ASAP2: variants seen among roughly 807,000 people sequenced by gnomAD.
The protein encoded by ASAP2 is ArfGAP with SH3 domain, ankyrin repeat and PH domain 2, also known as arf-GAP with SH3 domain, ANK repeat and PH domain-containing protein 2.
ASAP2 carries 45 observed loss-of-function variants against 131.4 expected under a neutral mutation model. The ratio of observed to expected loss-of-function variants is 0.34; its 90% CI spans 0.27 to 0.44. ASAP2 has a LOEUF of 0.44. ASAP2 is among the 20% of genes least tolerant of loss of function. ASAP2 has a pLI of 1.00. For synonymous variants in ASAP2, 510 were observed against 503.0 expected (o/e 1.01, Z -0.19); for missense variants, 1,011 against 1,297.0 (o/e 0.78, Z 3.39).
chr2:9,395,878 A>AT (rs941858767), intron 24 of ASAP2, among the ~76,000 whole-genome samples: 5 of 151,780 alleles, frequency 3.3e-5, no homozygotes, highest in African/African-American at 1.2e-4. Context: ...AAGTGCTGGG[A>AT]TTACAGGCTT....
At chr2:9,395,172 C>T (rs1676015737) in intron 24 of ASAP2, among the ~76,000 whole-genome samples, 1 of 152,268 alleles carries the variant, frequency 6.6e-6, no homozygotes, top group Admixed American at 6.5e-5. Flanking sequence ...TCAGTTCCAC[C>T]TCTCAATAAA....
chr2:9,356,950 C>T (rs974259515), intron 14 of ASAP2, among the ~76,000 whole-genome samples: 2 of 152,064 alleles, frequency 1.3e-5, no homozygotes, highest in Non-Finnish European at 2.9e-5. Flanking sequence ...CTAATTGAGA[C>T]ACAATGGTGG....
At chr2:9,375,833 G>C (rs1174458472) in intron 17 of ASAP2, among the ~76,000 whole-genome samples, 1 of 152,196 alleles carries the variant, frequency 6.6e-6, no homozygotes, top group Admixed American at 6.5e-5. Flanking sequence ...TCTCTGAGAG[G>C]GGCGGTTCCC....
intron 3 of ASAP2, among the ~76,000 whole-genome samples, 184 bp from the exon 4 acceptor site, chr2:9,318,340 C>T (rs922037175): frequency 1.3e-5 from 2 of 152,312 alleles, no homozygotes; most frequent in African/African-American, 2.4e-5. Context: ...CATTAGCCCT[C>T]TATTCATTTG....
intron 7 of ASAP2, among the ~76,000 whole-genome samples, chr2:9,330,192 T>C (rs1035309695): frequency 9.9e-5 from 15 of 152,196 alleles, no homozygotes; most frequent in Non-Finnish European, 1.9e-4. Context: ...GAGGATGTGC[T>C]GAGTGGTTCA....
intron 2 of ASAP2, among the ~76,000 whole-genome samples, chr2:9,292,544 A>G (rs1010935605): frequency 1.3e-5 from 2 of 151,938 alleles, no homozygotes; most frequent in Non-Finnish European, 2.9e-5. Context: ...CAAAAGAAAA[A>G]CAGAGAAAGT....
intron 15 of ASAP2, among the ~76,000 whole-genome samples, chr2:9,365,781 G>C (rs912038939): frequency 6.6e-6 from 1 of 152,144 alleles, no homozygotes; most frequent in Non-Finnish European, 1.5e-5. Context: ...TTGACTCATC[G>C]CTACCTTGTT....
intron 1 of ASAP2, among the ~76,000 whole-genome samples, chr2:9,273,245 G>A (rs926975877): frequency 1.3e-5 from 2 of 151,928 alleles, no homozygotes; most frequent in Non-Finnish European, 2.9e-5. Flanking sequence ...TATAGTTTTC[G>A]CTGTAGAGAT....
intron 14 of ASAP2, among the ~76,000 whole-genome samples, chr2:9,357,198 AC>A (rs1572536960): frequency 6.6e-6 from 1 of 151,518 alleles, no homozygotes; most frequent in East Asian, 1.9e-4. Flanking sequence ...AAGAATACCG[AC>A]TGGGTGCAGT....
rs1458294020 is a variant in ASAP2 at position 9,388,432 on chromosome 2, A to G, written c.2269A>G (p.Ile757Val). 1 of 1,614,062 alleles carries G rather than the reference A, an allele frequency of 6.2e-7. No individual in the cohort carries two copies. The highest frequency in any genetic ancestry group is 1.3e-5 in the African/African-American group (1 of 74,924). The change falls in exon 22 of 28, where the codon ATC (isoleucine) becomes GTC (valine). Residue 757 changes from isoleucine (I) to valine (V), a missense_variant. This residue lies in a region of ASAP2 where 652 missense variants were observed against 698.9 expected (regional missense o/e 0.93). Coordinates refer to ENST00000281419, the MANE Select transcript of ASAP2 (RefSeq NM_003887.3). Reference sequence around the variant, plus strand: ...GAAGCAGAGGGCTTTCATGCCCAGCATCTTGCAGAATGAGACTTACGGAGC... The same window carrying G: ...GAAGCAGAGGGCTTTCATGCCCAGCGTCTTGCAGAATGAGACTTACGGAGC... ...KEKQRAFMPS[I>V]LQNETYGALL... is the part of the protein sequence containing the mutation.
chr2:9,208,431 T>C (rs1305057286), intron 1 of ASAP2, among the ~76,000 whole-genome samples: 1 of 147,072 alleles, frequency 6.8e-6, no homozygotes, highest in Non-Finnish European at 1.5e-5. Context: ...TTTTTTCCCA[T>C]TTGAACAAAG....
At chr2:9,362,209 C>A (rs186618951) in intron 15 of ASAP2, among the ~76,000 whole-genome samples, 1 of 152,062 alleles carries the variant, frequency 6.6e-6, no homozygotes, top group Non-Finnish European at 1.5e-5. Flanking sequence ...TGCAGGGCCT[C>A]GGCTGACTTG....
chr2:9,338,671 AAC>A (rs1671382929), intron 9 of ASAP2, among the ~76,000 whole-genome samples: 1 of 152,072 alleles, frequency 6.6e-6, no homozygotes, highest in African/African-American at 2.4e-5. Flanking sequence ...GCACTCCACA[AAC>A]ACAACAGAAC....
intron 1 of ASAP2, among the ~76,000 whole-genome samples, chr2:9,210,052 C>T (rs1661424259): frequency 6.6e-6 from 1 of 152,216 alleles, no homozygotes; most frequent in Non-Finnish European, 1.5e-5. Flanking sequence ...GTATTGAATT[C>T]AGTCCTTATC....
intron 9 of ASAP2, among the ~76,000 whole-genome samples, chr2:9,340,718 G>A (rs1261329071): frequency 3.3e-5 from 5 of 152,194 alleles, no homozygotes; most frequent in Non-Finnish European, 7.3e-5. Context: ...TAAGAAGTGG[G>A]CAAAATGTCA....
intron 7 of ASAP2, among the ~76,000 whole-genome samples, chr2:9,330,375 A>T (rs542285206): frequency 1.3e-5 from 2 of 152,224 alleles, no homozygotes; most frequent in African/African-American, 4.8e-5. Flanking sequence ...AGGCATACCC[A>T]TGGATGTAGA....
At chr2:9,246,170 G>C (rs754879377) in intron 1 of ASAP2, among the ~76,000 whole-genome samples, 7 of 152,198 alleles carry the variant, frequency 4.6e-5, no homozygotes, top group Non-Finnish European at 7.3e-5. Context: ...GGGATTCTCT[G>C]TATGGTTTCT....
chr2:9,388,136 T>C (rs1675431511), intron 21 of ASAP2, among the ~76,000 whole-genome samples, 158 bp from the exon 22 acceptor site: 1 of 152,164 alleles, frequency 6.6e-6, no homozygotes, highest in African/African-American at 2.4e-5. Context: ...CTTGCAGCTC[T>C]CACGCAACTT....
At chr2:9,325,049 G>T (rs539204255) in intron 6 of ASAP2, among the ~76,000 whole-genome samples, 2 of 152,152 alleles carry the variant, frequency 1.3e-5, no homozygotes, top group African/African-American at 4.8e-5. Flanking sequence ...ATATTCACTA[G>T]ATGAAAAACA....
Sources: gnomAD v4.1 joint callset for allele counts (sites outside exome capture counted in the v4.1 genomes callset) on GRCh38, gnomAD v4.1.1 for gene constraint, gnomAD v4.1.1 regional missense constraint, MANE v1.5 for transcripts, NCBI Gene and HGNC (gene_info 2026-07-23, HGNC 2026-07-21) for gene names.